ADAMTS3: variants seen among roughly 807,000 people sequenced by gnomAD.
ADAMTS3 encodes the protein A disintegrin and metalloproteinase with thrombospondin motifs 3.
A neutral mutation model predicts 129.0 loss-of-function variants in ADAMTS3; 73 were observed. The ratio of observed to expected loss-of-function variants is 0.57; its 90% CI spans 0.47 to 0.69. ADAMTS3 has a LOEUF of 0.69. Ranked by LOEUF, ADAMTS3 falls within the 30% of genes least tolerant of loss-of-function variation. The probability of loss-of-function intolerance (pLI) is 0.00; values close to 1 mark genes in which losing one functional copy is unlikely to be tolerated. For synonymous variants in ADAMTS3, 477 were observed against 510.8 expected (o/e 0.93, Z 0.89); for missense variants, 1,457 against 1,514.5 (o/e 0.96, Z 0.63).
chr4:72,320,935 C>T (rs756651947), intron 6 of ADAMTS3, 65 bp from the exon 7 acceptor site: 1 of 1,501,240 alleles, frequency 6.7e-7, no homozygotes, highest in Non-Finnish European at 9.0e-7. Flanking sequence ...TTGATAATTT[C>T]CTCTGAAGCT....
intron 3 of ADAMTS3, among the ~76,000 whole-genome samples, chr4:72,464,044 T>C (rs1718854760): frequency 6.6e-6 from 1 of 151,930 alleles, no homozygotes; most frequent in Admixed American, 6.6e-5. Context: ...TATTGAAAGG[T>C]GCTACTCCAT....
At chr4:72,285,498 C>G (rs1718481466) in intron 21 of ADAMTS3, among the ~76,000 whole-genome samples, 1 of 152,072 alleles carries the variant, frequency 6.6e-6, no homozygotes, top group Admixed American at 6.6e-5. Context: ...CCTCTAACCC[C>G]TTTCCCTCAT....
chr4:72,341,968 T>C (rs1202397219), intron 4 of ADAMTS3, among the ~76,000 whole-genome samples: 21 of 152,176 alleles, frequency 1.4e-4, no homozygotes, highest in Admixed American at 1.4e-3. Flanking sequence ...TTTTTACTTA[T>C]ACTCATCATT....
At chr4:72,547,971 C>T (rs1327075107) in intron 3 of ADAMTS3, among the ~76,000 whole-genome samples, 1 of 152,078 alleles carries the variant, frequency 6.6e-6, no homozygotes, top group Non-Finnish European at 1.5e-5. Flanking sequence ...CTGCATCTTG[C>T]ATTCATAAAG....
At chr4:72,528,521 TA>T (rs11324929) in intron 3 of ADAMTS3, among the ~76,000 whole-genome samples, 22,287 of 89,624 alleles carry the variant, frequency 0.25, 4,673 homozygotes, top group African/African-American at 0.56. Context: ...AAGTGAAAAC[TA>T]AAAAAAAAAA....
At chr4:72,396,273 A>G (rs1205593245) in intron 4 of ADAMTS3, among the ~76,000 whole-genome samples, 1 of 152,228 alleles carries the variant, frequency 6.6e-6, no homozygotes, top group African/African-American at 2.4e-5. Flanking sequence ...GTAACAGCAC[A>G]GTTTTCTCAT....
chr4:72,311,711 G>A (rs1719240165), intron 13 of ADAMTS3, among the ~76,000 whole-genome samples: 1 of 152,138 alleles, frequency 6.6e-6, no homozygotes, highest in Non-Finnish European at 1.5e-5. Context: ...ACCCAGTGGT[G>A]CATGTAATCA....
At chr4:72,558,787 T>C (rs1472601737) in intron 2 of ADAMTS3, among the ~76,000 whole-genome samples, 1 of 151,694 alleles carries the variant, frequency 6.6e-6, no homozygotes, top group Admixed American at 6.5e-5. Flanking sequence ...CCAGTCACAC[T>C]CCTTACAAAT....
chr4:72,515,298 A>C (rs788939), intron 3 of ADAMTS3, among the ~76,000 whole-genome samples: 1 of 149,700 alleles, frequency 6.7e-6, no homozygotes, highest in East Asian at 2.0e-4. Context: ...ATAAACATAC[A>C]TGTGCATGTG....
chr4:72,516,288 T>TGC (rs1720476192), intron 3 of ADAMTS3, among the ~76,000 whole-genome samples: 1 of 152,188 alleles, frequency 6.6e-6, no homozygotes, highest in Non-Finnish European at 1.5e-5. Flanking sequence ...CCAGCTTCGT[T>TGC]CTTTTAGCTT....
rs138684273 is a variant in ADAMTS3 at position 72,462,450 on chromosome 4, C to T, written c.505-47479G>A. Among the ~76,000 whole-genome samples, 105 of 152,098 alleles carry T rather than the reference C, an allele frequency of 6.9e-4. No homozygotes were observed. In the Middle Eastern group the frequency reaches 0.014, roughly 20 times the overall value. On this transcript the variant is annotated intron_variant, in intron 3 of 21. Coordinates refer to ENST00000286657, the MANE Select transcript of ADAMTS3 (RefSeq NM_014243.3). Reference sequence around the variant, plus strand: ...ACTAAAAGTAGTTCAATCCCAAGCACATCAAAGAAACATGAGTGCATTTTA... The same window carrying T: ...ACTAAAAGTAGTTCAATCCCAAGCATATCAAAGAAACATGAGTGCATTTTA...
At chr4:72,309,238 T>A (rs1441101134) in intron 15 of ADAMTS3, among the ~76,000 whole-genome samples, 159 bp downstream of exon 15, 1 of 151,970 alleles carries the variant, frequency 6.6e-6, no homozygotes, top group Non-Finnish European at 1.5e-5. Flanking sequence ...GATTTCTTTT[T>A]TTTTTTTAAG....
chr4:72,304,141 A>C, intron 16 of ADAMTS3, 61 bp from the exon 17 acceptor site: 1 of 1,499,018 alleles, frequency 6.7e-7, no homozygotes, highest in Non-Finnish European at 9.2e-7. Context: ...AGTGCTGAAG[A>C]TTCACAGCAA....
intron 3 of ADAMTS3, among the ~76,000 whole-genome samples, chr4:72,434,260 T>C (rs528202128): frequency 2.2e-4 from 34 of 151,932 alleles, no homozygotes; most frequent in Admixed American, 6.6e-4. Flanking sequence ...TACAAATACG[T>C]AGCCCATTTA....
At chr4:72,359,311 A>AC (rs1297895124) in intron 4 of ADAMTS3, among the ~76,000 whole-genome samples, 1 of 152,040 alleles carries the variant, frequency 6.6e-6, no homozygotes, top group African/African-American at 2.4e-5. Context: ...TGGAGATACC[A>AC]CCCATGAGAC....
intron 4 of ADAMTS3, among the ~76,000 whole-genome samples, chr4:72,387,311 T>G (rs754737054): frequency 2.0e-5 from 3 of 152,198 alleles, no homozygotes; most frequent in Non-Finnish European, 4.4e-5. Context: ...CCACAGAGAT[T>G]TGGTCTCTCT....
intron 4 of ADAMTS3, among the ~76,000 whole-genome samples, chr4:72,356,705 C>T (rs758293527): frequency 5.2e-4 from 79 of 151,742 alleles, no homozygotes; most frequent in Non-Finnish European, 1.0e-3. Context: ...TCATTGAATA[C>T]AAAACCAATA....
chr4:72,455,093 C>A (rs1433081050), intron 3 of ADAMTS3, among the ~76,000 whole-genome samples: 1 of 151,400 alleles, frequency 6.6e-6, no homozygotes, highest in Non-Finnish European at 1.5e-5. Context: ...TCTCAATTAT[C>A]AATAATAAAA....
At chr4:72,452,111 CA>C (rs1560520580) in intron 3 of ADAMTS3, among the ~76,000 whole-genome samples, 1 of 151,570 alleles carries the variant, frequency 6.6e-6, no homozygotes, top group African/African-American at 2.4e-5. Context: ...ACAACAACAA[CA>C]ATAATAAAAG....
Sources: gnomAD v4.1 joint callset for allele counts (sites outside exome capture counted in the v4.1 genomes callset) on GRCh38, gnomAD v4.1.1 for gene constraint, MANE v1.5 for transcripts, NCBI Gene and HGNC (gene_info 2026-07-23, HGNC 2026-07-21) for gene names.